Variants in KCNH5 observed in about 807,000 individuals in gnomAD.
KCNH5 encodes the protein voltage-gated delayed rectifier potassium channel KCNH5.
KCNH5 carries 46 observed loss-of-function variants against 96.1 expected under a neutral mutation model. The observed-to-expected ratio is 0.48, with a 90% confidence interval of 0.38 to 0.61. KCNH5 has a LOEUF of 0.61. Ranked by LOEUF, KCNH5 falls within the 20% of genes least tolerant of loss-of-function variation. The pLI, the probability that KCNH5 is intolerant of heterozygous loss-of-function variation, is 0.00. For synonymous variants in KCNH5, 439 were observed against 449.8 expected, an observed-to-expected ratio of 0.98 and a Z score of 0.30; for missense variants, 907 against 1,225.8, an observed-to-expected ratio of 0.74 and a Z score of 3.88.
intron 10 of KCNH5, among the ~76,000 whole-genome samples, chr14:62,709,105 C>T (rs1294811876): frequency 2.0e-5 from 3 of 150,744 alleles, no homozygotes; most frequent in African/African-American, 4.9e-5. Context: ...CAGTGGCGGG[C>T]GCCTGTAGTC....
intron 7 of KCNH5, among the ~76,000 whole-genome samples, chr14:62,933,462 T>A (rs1056339387): frequency 1.3e-5 from 2 of 151,900 alleles, no homozygotes; most frequent in Non-Finnish European, 1.5e-5. Context: ...ATTATGTGTG[T>A]GTGTGTGTGT....
rs142927077 is a variant in KCNH5 at position 62,980,920 on chromosome 14, C to A, written c.894G>T (p.Leu298=). The A allele has an allele frequency of 3.1e-6, 5 of 1,614,106 alleles. No individual in the cohort carries two copies. In the East Asian group the frequency reaches 6.7e-5, roughly 22 times the overall value. ...YLKTWFVIDL[L]SCLPYDIINA... is the part of the protein sequence containing the mutation. ...TGATGATGTCATAAGGTAAACAAGA[C>A]AGCAGATCGATCACAAACCAAGTTT... Residue 298 remains leucine, a synonymous_variant, in exon 6 of 11, where the codon CTG becomes CTT. Transcript: ENST00000322893.
intron 7 of KCNH5, among the ~76,000 whole-genome samples, chr14:62,944,387 T>C (rs1258539167): frequency 6.6e-6 from 1 of 152,088 alleles, no homozygotes; most frequent in Non-Finnish European, 1.5e-5. Flanking sequence ...AGGTTACAAG[T>C]GGTGCTTCTT....
chr14:62,928,566 G>A (rs1438121837), intron 7 of KCNH5, among the ~76,000 whole-genome samples: 1 of 152,006 alleles, frequency 6.6e-6, no homozygotes, highest in Non-Finnish European at 1.5e-5. Context: ...TACCGATGCG[G>A]TAACTGAGGT....
intron 7 of KCNH5, among the ~76,000 whole-genome samples, chr14:62,946,703 A>C (rs940835791): frequency 6.6e-6 from 1 of 152,170 alleles, no homozygotes; most frequent in African/African-American, 2.4e-5. Flanking sequence ...TGAGTTAAAC[A>C]GTAGTACATC....
chr14:62,911,034 T>C (rs184164938), intron 7 of KCNH5, among the ~76,000 whole-genome samples: 229 of 152,136 alleles, frequency 1.5e-3, no homozygotes, highest in Non-Finnish European at 1.1e-3. Flanking sequence ...TTTTCTCTCT[T>C]CCCTCACTGA....
In KCNH5 at chr14:62,700,094, T is replaced by C. The variant is rs1162493010; in HGVS notation, c.*7414A>G. 6.6e-6 allele frequency: 1 copy of C among 152,204 alleles called. No homozygotes were observed. The highest frequency in any genetic ancestry group is 1.5e-5 in the Non-Finnish European group (1 of 68,020). The allele number at this position is 152,204 out of a possible 1,614,324, so 9.4% of individuals were successfully genotyped here. A position where few individuals can be genotyped will look rare whatever the true frequency, so the allele number is the denominator to read the frequency against. On this transcript the variant is annotated 3_prime_UTR_variant, in exon 11 of 11. Transcript: ENST00000322893. ...AATTCCCATAGTAACATTAGTGTTATAGTAGAATTTACATTGTAGTATACA... is the reference window on the plus strand; with the variant it reads ...AATTCCCATAGTAACATTAGTGTTACAGTAGAATTTACATTGTAGTATACA...
At chr14:63,012,944 A>G (rs1891255945) in intron 2 of KCNH5, among the ~76,000 whole-genome samples, 1 of 151,532 alleles carries the variant, frequency 6.6e-6, no homozygotes, top group Admixed American at 6.6e-5. Flanking sequence ...TTTAGAATTA[A>G]TAACCATAAG....
At chr14:62,827,064 A>T (rs987193908) in intron 8 of KCNH5, among the ~76,000 whole-genome samples, 1 of 152,174 alleles carries the variant, frequency 6.6e-6, no homozygotes, top group Non-Finnish European at 1.5e-5. Flanking sequence ...GGAGCACAAG[A>T]ATAAATATAG....
At chr14:62,933,656 G>T (rs1595690320) in intron 7 of KCNH5, among the ~76,000 whole-genome samples, 1 of 152,080 alleles carries the variant, frequency 6.6e-6, no homozygotes, top group East Asian at 1.9e-4. Flanking sequence ...AAATGAAAAT[G>T]ATTTGAAAGT....
At chr14:62,793,915 A>G (rs1030255404) in intron 9 of KCNH5, among the ~76,000 whole-genome samples, 1 of 151,976 alleles carries the variant, frequency 6.6e-6, no homozygotes, top group African/African-American at 2.4e-5. Flanking sequence ...ATTAGGAAAG[A>G]CCTCACAAAG....
chr14:62,784,899 T>C (rs1182331221), intron 9 of KCNH5, among the ~76,000 whole-genome samples: 1 of 152,202 alleles, frequency 6.6e-6, no homozygotes, highest in Non-Finnish European at 1.5e-5. Flanking sequence ...AGAATAGCAA[T>C]AAACTAGAGT....
chr14:63,045,378 C>A lies in KCNH5; in HGVS notation c.-192G>T, dbSNP rs902091028. 1 of 612,990 alleles carries A rather than the reference C, an allele frequency of 1.6e-6. No homozygotes were observed. The allele number at this position is 612,990 out of a possible 1,614,324, so 38.0% of individuals were successfully genotyped here. A position where few individuals can be genotyped will look rare whatever the true frequency, so the allele number is the denominator to read the frequency against. ...GATGAGCAGCTCTGGGGAGGAGGAC[C>A]AGGCAGTTCATGGTAGTAGCGCTCC... On this transcript the variant is annotated 5_prime_UTR_variant, in exon 1 of 11. Coordinates refer to ENST00000322893, the MANE Select transcript of KCNH5 (RefSeq NM_139318.5).
Position 62,950,163 on chromosome 14 carries a change from T to A in KCNH5, c.1339A>T (p.Met447Leu), listed in dbSNP as rs200506671. 1.2e-6 allele frequency: 2 copies of A among 1,613,860 alleles called. No homozygotes were observed. The highest frequency in any genetic ancestry group is 1.7e-6 in the Non-Finnish European group (2 of 1,179,900). ...NIAPTTDVEK[M>L]FSVAMMMVGS... Reference sequence around the variant, plus strand: ...ACCATCATCATAGCCACCGAAAACATCTTCTCCACATCTGTGGTAGGAGCT... The same window carrying A: ...ACCATCATCATAGCCACCGAAAACAACTTCTCCACATCTGTGGTAGGAGCT... The change falls in exon 7 of 11, where the codon ATG becomes TTG. Residue 447 changes from methionine (M) to leucine (L), a missense_variant. Met to Leu is a conservative substitution (Grantham distance 15). Around this residue, in one of 6 missense-constraint regions of KCNH5, gnomAD observed 370 missense variants for 561.3 expected, o/e 0.66. Coordinates refer to ENST00000322893, the MANE Select transcript of KCNH5 (RefSeq NM_139318.5).
chr14:62,738,615 T>C (rs945582932), intron 10 of KCNH5, among the ~76,000 whole-genome samples: 2 of 152,166 alleles, frequency 1.3e-5, no homozygotes, highest in African/African-American at 2.4e-5. Context: ...ATGGATAATA[T>C]GTAGTTTGTG....
intron 7 of KCNH5, among the ~76,000 whole-genome samples, chr14:62,866,630 A>T (rs989585803): frequency 1.1e-4 from 16 of 152,182 alleles, no homozygotes; most frequent in African/African-American, 3.9e-4. Flanking sequence ...GAACATTTAC[A>T]TGAAGAGGTT....
At chr14:63,016,784 T>C (rs1242687592) in intron 2 of KCNH5, 47 bp downstream of exon 2, 9 of 1,585,130 alleles carry the variant, frequency 5.7e-6, no homozygotes, top group Non-Finnish European at 7.7e-6. Context: ...TACATTCAGA[T>C]TTTTGTTAAA....
At chr14:62,969,240 G>A (rs544923314) in intron 6 of KCNH5, among the ~76,000 whole-genome samples, 227 of 152,234 alleles carry the variant, frequency 1.5e-3, no homozygotes, top group African/African-American at 5.3e-3. Context: ...TTAACAATGC[G>A]TAGGATAGGA....
At chr14:63,004,614 G>T (rs998423824) in intron 3 of KCNH5, among the ~76,000 whole-genome samples, 1 of 152,182 alleles carries the variant, frequency 6.6e-6, no homozygotes, top group Non-Finnish European at 1.5e-5. Context: ...TTTTGTTGTG[G>T]TGGTTGTCAT....
Sources: allele counts gnomAD v4.1 joint callset (sites outside exome capture counted in the v4.1 genomes callset), GRCh38; gene constraint gnomAD v4.1.1; regional missense constraint gnomAD v4.1.1; transcripts MANE v1.5; gene names NCBI Gene and HGNC (gene_info 2026-07-23, HGNC 2026-07-21).